The following PPP2R2C variants were observed in gnomAD, a reference collection of about 807,000 sequenced individuals.
The protein encoded by PPP2R2C is protein phosphatase 2 regulatory subunit Bgamma.
Under a neutral mutation model 45.3 loss-of-function variants are expected in PPP2R2C, and 10 were observed. The ratio of observed to expected loss-of-function variants is 0.22; its 90% CI spans 0.14 to 0.37. PPP2R2C has a LOEUF of 0.37. Ranked by LOEUF, PPP2R2C falls within the 10% of genes least tolerant of loss-of-function variation. The pLI, the probability that PPP2R2C is intolerant of heterozygous loss-of-function variation, is 1.00. For synonymous variants in PPP2R2C, 257 were observed against 245.4 expected (o/e 1.05, Z -0.44); for missense variants, 308 against 619.7 (o/e 0.50, Z 5.34).
intron 2 of PPP2R2C, among the ~76,000 whole-genome samples, chr4:6,498,860 G>T (rs1211496795): frequency 1.3e-5 from 2 of 150,562 alleles, no homozygotes; most frequent in Non-Finnish European, 3.0e-5. Flanking sequence ...TGAAATGGGG[G>T]TCCCTGAATC....
intron 1 of PPP2R2C, among the ~76,000 whole-genome samples, chr4:6,391,930 C>G (rs575812455): frequency 6.6e-6 from 1 of 152,238 alleles, no homozygotes; most frequent in African/African-American, 2.4e-5. Flanking sequence ...CTGTCCATCT[C>G]CGAGACAGAT....
chr4:6,410,831 AT>A (rs1242686426), intron 1 of PPP2R2C, among the ~76,000 whole-genome samples: 1 of 149,510 alleles, frequency 6.7e-6, no homozygotes, highest in Non-Finnish European at 1.5e-5. Flanking sequence ...AGGGACTACT[AT>A]TCCCCCTGTT....
chr4:6,528,746 A>G (rs1724295806), intron 2 of PPP2R2C, among the ~76,000 whole-genome samples: 2 of 152,164 alleles, frequency 1.3e-5, no homozygotes, highest in Admixed American at 1.3e-4. Flanking sequence ...TTAACTGATG[A>G]CATTATCTTG....
At chr4:6,504,527 G>C (rs1336607727) in intron 2 of PPP2R2C, among the ~76,000 whole-genome samples, 1 of 152,076 alleles carries the variant, frequency 6.6e-6, no homozygotes, top group East Asian at 1.9e-4. Flanking sequence ...GCAGCTATTT[G>C]TACTATGCTT....
In PPP2R2C at chr4:6,414,070, C is replaced by CTGTG. The variant is rs1383054753; in HGVS notation, c.71-32980_71-32977dup. ...CATGGGACAGTAACATAAGTTTTGC[C>CTGTG]TGTGTATGTGTGTGTGTGTGTGTGT... On this transcript the variant is annotated intron_variant, in intron 1 of 8. Transcript: ENST00000382599. 372 of 1,202,490 alleles carry CTGTG rather than the reference C, an allele frequency of 3.1e-4. 35 individuals carry two copies. The highest frequency in any genetic ancestry group is 1.6e-3 in the African/African-American group (91 of 56,292). The allele number at this position is 1,202,490 out of a possible 1,614,324, so 74.5% of individuals were successfully genotyped here. A position where few individuals can be genotyped will look rare whatever the true frequency, so the allele number is the denominator to read the frequency against.
At chr4:6,539,979 A>G (rs1446234358) in intron 1 of PPP2R2C, among the ~76,000 whole-genome samples, 2 of 152,204 alleles carry the variant, frequency 1.3e-5, no homozygotes, top group African/African-American at 4.8e-5. Flanking sequence ...AGGACCCTGC[A>G]GTTAGCCCTG....
At position 6,471,916 on chromosome 4, in the gene PPP2R2C, C is replaced by T. The variant is rs1721908619; in HGVS notation, c.70+244G>A. Among the ~76,000 whole-genome samples the T allele has an allele frequency of 6.6e-6, 1 of 150,728 alleles. No individual in the cohort carries two copies. The highest frequency in any genetic ancestry group is 6.6e-5 in the Admixed American group (1 of 15,182). On this transcript the variant is annotated intron_variant, in intron 1 of 8. Transcript: ENST00000382599. The surrounding 1 kb of genome is among the most constrained non-coding windows in gnomAD (Gnocchi z 5.6). ...GAAAGCTGCCTCCCGGAGGGCGGCGCGGAGGAGGGCGCTGCCCTGTGCCGG... is the reference window on the plus strand; with the variant it reads ...GAAAGCTGCCTCCCGGAGGGCGGCGTGGAGGAGGGCGCTGCCCTGTGCCGG...
At position 6,381,502 on chromosome 4, in the gene PPP2R2C, G is replaced by A; in HGVS notation, c.71-408C>T. 5.8e-6 allele frequency: 8 copies of A among 1,379,122 alleles called. No homozygotes were observed. In the South Asian group the frequency reaches 6.0e-5, roughly 10 times the overall value. 85.4% of individuals were successfully genotyped at this position (1,379,122 alleles called of 1,614,324 possible). On this transcript the variant is annotated intron_variant, in intron 1 of 8. Transcript: ENST00000382599. ...TGCTCCAGCAACCTGGGTCAGGGAA[G>A]CCCTTCCCAATATCTCCATAGATAA...
chr4:6,562,168 G>A (rs143288721), intron 1 of PPP2R2C, among the ~76,000 whole-genome samples: 6 of 152,270 alleles, frequency 3.9e-5, no homozygotes, highest in East Asian at 3.9e-4. Flanking sequence ...GTCAGAGTGC[G>A]GGGGACAATG....
chr4:6,533,384 A>G (rs1020902616), intron 2 of PPP2R2C, among the ~76,000 whole-genome samples: 2 of 152,194 alleles, frequency 1.3e-5, no homozygotes, highest in African/African-American at 4.8e-5. Flanking sequence ...TTTCTCCAGC[A>G]GAGAAGAGAG....
intron 1 of PPP2R2C, among the ~76,000 whole-genome samples, chr4:6,553,734 G>C (rs1478063365): frequency 6.6e-6 from 1 of 152,174 alleles, no homozygotes; most frequent in East Asian, 1.9e-4. Context: ...TATGTTCAGG[G>C]CTGCCATGCT....
rs911004202 is a variant in PPP2R2C at position 6,332,020 on chromosome 4, C to T, written c.960+1542G>A. ...CAGATGCCAAGTGCCCAGCTTACGG[C>T]CTCACGCTCCAGAACAGTCATTCCC... On this transcript the variant is annotated intron_variant, in intron 7 of 8. Coordinates refer to ENST00000382599, the MANE Select transcript of PPP2R2C (RefSeq NM_020416.4). This position sits in a 1 kb window ranked among gnomAD's most constrained non-coding sequence, Gnocchi z 4.9. Among the ~76,000 whole-genome samples the T allele has an allele frequency of 6.6e-6, 1 of 152,210 alleles. No individual in the cohort carries two copies. The highest frequency in any genetic ancestry group is 1.5e-5 in the Non-Finnish European group (1 of 68,038).
Position 6,434,359 on chromosome 4 carries a change from C to CTTTTTT in PPP2R2C, c.70+37795_70+37800dup, listed in dbSNP as rs34292067. 3.2e-4 allele frequency among the ~76,000 whole-genome samples: 37 copies of CTTTTTT among 116,134 alleles called. 6 individuals carry two copies. The highest frequency in any genetic ancestry group is 4.8e-4 in the Non-Finnish European group (28 of 58,610). The allele number at this position is 116,134 out of a possible 152,430, so 76.2% of individuals were successfully genotyped here. ...CACCTGCGTATTTCTTTTTTCTTTTCTTTTTTTTTTTTTTTTGGAGACAGA... is the reference window on the plus strand; with the variant it reads ...CACCTGCGTATTTCTTTTTTCTTTTCTTTTTTTTTTTTTTTTTTTTTTGGAGACAGA... On this transcript the variant is annotated intron_variant, in intron 1 of 8. Transcript: ENST00000382599.
intron 1 of PPP2R2C, among the ~76,000 whole-genome samples, chr4:6,393,723 G>C (rs1409986632): frequency 6.6e-6 from 1 of 152,234 alleles, no homozygotes; most frequent in Non-Finnish European, 1.5e-5. Flanking sequence ...AGCCAGGTGG[G>C]GCCCGCCCGA....
chr4:6,557,160 A>G (rs1725429060), intron 1 of PPP2R2C, among the ~76,000 whole-genome samples: 1 of 152,210 alleles, frequency 6.6e-6, no homozygotes, highest in African/African-American at 2.4e-5. Context: ...TTTCCTGAGA[A>G]AGAGTAGAAA....
intron 1 of PPP2R2C, among the ~76,000 whole-genome samples, chr4:6,453,000 A>G (rs1473671350): frequency 6.6e-6 from 1 of 152,218 alleles, no homozygotes; most frequent in Non-Finnish European, 1.5e-5. Context: ...GAGGCTGATC[A>G]GGATAGAGCA....
chr4:6,344,377 A>T (rs1711629548), intron 6 of PPP2R2C, among the ~76,000 whole-genome samples: 1 of 152,228 alleles, frequency 6.6e-6, no homozygotes, highest in South Asian at 2.1e-4. Flanking sequence ...GGCATATGAA[A>T]TTACGTGGCT....
In PPP2R2C at chr4:6,324,156, G is replaced by T. The variant is rs1336454277; in HGVS notation, c.1053-563C>A. On this transcript the variant is annotated intron_variant, in intron 8 of 8. Transcript: ENST00000382599. The surrounding 1 kb of genome is among the most constrained non-coding windows in gnomAD (Gnocchi z 4.1). ...ATCATGAAAATACCCTCCTGGCCAG[G>T]CGTGGTGGCTCACACCTGTAATCCC... Among the ~76,000 whole-genome samples the T allele has an allele frequency of 1.3e-5, 2 of 152,076 alleles. No individual in the cohort carries two copies. The highest frequency in any genetic ancestry group is 4.8e-5 in the African/African-American group (2 of 41,402).
upstream of PPP2R2C, among the ~76,000 whole-genome samples, chr4:6,475,318 GT>G (rs947481456): frequency 6.6e-6 from 1 of 152,176 alleles, no homozygotes; most frequent in Non-Finnish European, 1.5e-5. Flanking sequence ...GGTGAAATTT[GT>G]CAGCATCTCT....
Sources: allele counts gnomAD v4.1 joint callset (sites outside exome capture counted in the v4.1 genomes callset), GRCh38; gene constraint gnomAD v4.1.1; non-coding constraint Gnocchi (gnomAD v3.1); transcripts MANE v1.5; gene names NCBI Gene and HGNC (gene_info 2026-07-23, HGNC 2026-07-21).